IRAK4: variants seen among roughly 807,000 people sequenced by gnomAD.
IRAK4 encodes the protein interleukin-1 receptor-associated kinase 4.
Under a neutral mutation model 51.8 loss-of-function variants are expected in IRAK4, and 44 were observed. That is an observed-to-expected ratio of 0.85 (90% confidence interval 0.67 to 1.09). The LOEUF (loss-of-function observed/expected upper bound fraction) is 1.09, where lower values mean the gene tolerates loss of function less well. IRAK4 is among the 50% of genes least tolerant of loss of function. IRAK4 has a pLI of 0.00. For missense variants in IRAK4, 487 were observed against 538.0 expected (o/e 0.91, Z 0.94); for synonymous variants, 149 against 174.1 (o/e 0.86, Z 1.13).
At chr12:43,779,002 A>C (rs1166574373) in intron 8 of IRAK4, among the ~76,000 whole-genome samples, 2 of 152,150 alleles carry the variant, frequency 1.3e-5, no homozygotes, top group Non-Finnish European at 2.9e-5. Context: ...GATGAGTTAC[A>C]AGAAATGAAA....
At chr12:43,773,724 G>A (rs145962440) in intron 5 of IRAK4, 210 of 315,418 alleles carry the variant, frequency 6.7e-4, no homozygotes, top group African/African-American at 2.4e-3. Context: ...GTGAAATTTC[G>A]TGTTATTTCA....
At chr12:43,784,396 A>G (rs1265903731) in intron 10 of IRAK4, among the ~76,000 whole-genome samples, 1 of 152,178 alleles carries the variant, frequency 6.6e-6, no homozygotes, top group Non-Finnish European at 1.5e-5. Flanking sequence ...CATCAGAGTC[A>G]GATCCCACAG....
At chr12:43,772,794 C>A in intron 4 of IRAK4, 118 bp from the exon 5 acceptor site, 1 of 769,600 alleles carries the variant, frequency 1.3e-6, no homozygotes, top group Non-Finnish European at 2.1e-6. Context: ...CTTCTCTCAT[C>A]TTGTCTAATT....
At position 43,775,430 on chromosome 12, in the gene IRAK4, C is replaced by T. The variant is rs748586328; in HGVS notation, c.716+1401C>T. On this transcript the variant is annotated intron_variant, in intron 6 of 11. Coordinates refer to ENST00000613694, the MANE Select transcript of IRAK4 (RefSeq NM_016123.4). ...AAACCTGCACATTCTGTACATGTAT[C>T]CCGGAACTTAATAATACAAACCATC... Among the ~76,000 whole-genome samples, 59 of 152,148 alleles carry T rather than the reference C, an allele frequency of 3.9e-4. 1 individual carries two copies. The highest frequency in any genetic ancestry group is 2.8e-4 in the Non-Finnish European group (19 of 68,014).
rs750912907 is a variant in IRAK4, at chr12:43,768,122, C to T, written c.11C>T (p.Pro4Leu). 1.2e-6 allele frequency: 2 copies of T among 1,613,212 alleles called. No homozygotes were observed. Among genetic ancestry groups the T allele is most frequent in the Non-Finnish European group, 1.7e-6 (2 of 1,179,570 alleles). Reference protein sequence around the residue: MNKPITPSTYVRCL... With the variant: MNKLITPSTYVRCL... ...TTTTAGGAATAGAAGATGAACAAAC[C>T]CATAACACCATCAACATATGTGCGC... Residue 4 changes from proline to leucine, a missense_variant, in exon 2 of 12, where the codon CCC (proline) becomes CTC (leucine). Pro to Leu is a moderately conservative substitution (Grantham distance 98, BLOSUM62 -3). Transcript: ENST00000613694.
At chr12:43,766,360 C>A (rs1940148760) in intron 1 of IRAK4, among the ~76,000 whole-genome samples, 1 of 152,122 alleles carries the variant, frequency 6.6e-6, no homozygotes, top group African/African-American at 2.4e-5. Context: ...ATCCTTCCAA[C>A]CTCCTACTCC....
chr12:43,784,684 A>G (rs965650665), intron 10 of IRAK4, among the ~76,000 whole-genome samples: 1 of 152,240 alleles, frequency 6.6e-6, no homozygotes, highest in Non-Finnish European at 1.5e-5. Flanking sequence ...CATAAGCTGT[A>G]TCTCAGTCAC....
chr12:43,771,119 C>T lies in IRAK4; in HGVS notation c.162-101C>T, dbSNP rs149985437. 8.9e-5 allele frequency: 95 copies of T among 1,062,736 alleles called. No individual in the cohort carries two copies. The East Asian group carries it at 2.4e-3, about 27-fold the overall frequency. The allele number at this position is 1,062,736 out of a possible 1,614,324, so 65.8% of individuals were successfully genotyped here. A position where few individuals can be genotyped will look rare whatever the true frequency, so the allele number is the denominator to read the frequency against. On this transcript the variant is annotated intron_variant, in intron 2 of 11. Coordinates refer to ENST00000613694, the MANE Select transcript of IRAK4 (RefSeq NM_016123.4). ...CCTCCAGAACCGTGAGCCAAATTAA[C>T]TATTATTTATAAATTACCCTGTCTG...
Position 43,783,731 on chromosome 12 carries a change from GA to G in IRAK4, c.1188+10del. 1 of 1,580,076 alleles carries G rather than the reference GA, an allele frequency of 6.3e-7. No individual in the cohort carries two copies. Among genetic ancestry groups the G allele is most frequent in the Non-Finnish European group, 8.7e-7 (1 of 1,150,274 alleles). On this transcript the variant is annotated splice_region_variant and intron_variant, in intron 10 of 11. Coordinates refer to ENST00000613694, the MANE Select transcript of IRAK4 (RefSeq NM_016123.4). ...CCGTGAACCTCAGTTATTGGTAAAT[GA>G]AATATTCATTTTCCTCAATCCTTTT...
chr12:43,780,420 G>T (rs2138027881), intron 8 of IRAK4, among the ~76,000 whole-genome samples: 1 of 152,182 alleles, frequency 6.6e-6, no homozygotes, highest in East Asian at 1.9e-4. Context: ...AGAGAAATGA[G>T]ATGATGTGTT....
chr12:43,774,092 G>C lies in IRAK4; in HGVS notation c.716+63G>C, dbSNP rs542896683. On this transcript the variant is annotated intron_variant, in intron 6 of 11. Coordinates refer to ENST00000613694, the MANE Select transcript of IRAK4 (RefSeq NM_016123.4). ...AAAAAGACAAGGAGTAAAGAACCTGGTTCACTCTAGAGTATGCCATGAACT... is the reference window on the plus strand; with the variant it reads ...AAAAAGACAAGGAGTAAAGAACCTGCTTCACTCTAGAGTATGCCATGAACT... The C allele has an allele frequency of 2.5e-5, 27 of 1,100,900 alleles. No individual in the cohort carries two copies. In the African/African-American group the frequency reaches 4.1e-4, roughly 17 times the overall value. 68.2% of individuals were successfully genotyped at this position (1,100,900 alleles called of 1,614,324 possible). A position where few individuals can be genotyped will look rare whatever the true frequency, so the allele number is the denominator to read the frequency against.
chr12:43,773,256 A>T (rs1308300433), intron 5 of IRAK4, among the ~76,000 whole-genome samples, 184 bp downstream of exon 5: 1 of 152,164 alleles, frequency 6.6e-6, no homozygotes, highest in Non-Finnish European at 1.5e-5. Flanking sequence ...TACCCCTAGA[A>T]AAATGTGGTT....
intron 3 of IRAK4, among the ~76,000 whole-genome samples, chr12:43,771,953 T>C (rs958563871): frequency 6.6e-6 from 1 of 152,234 alleles, no homozygotes; most frequent in African/African-American, 2.4e-5. Flanking sequence ...GTGCCTCTGA[T>C]ATAGGTGGCT....
rs200883675 is a variant in IRAK4, at chr12:43,778,241, G to A, written c.880G>A (p.Gly294Ser). 1.9e-6 allele frequency: 3 copies of A among 1,612,020 alleles called. No individual in the cohort carries two copies. The highest frequency in any genetic ancestry group is 1.7e-5 in the Admixed American group (1 of 60,002). ...GCACATGAGATGCAAGATTGCTCAG[G>A]GTGCAGCTAATGGCATCAATTTTCT... ...SWHMRCKIAQGAANGINFLHE... is the reference protein window; with the variant it reads ...SWHMRCKIAQSAANGINFLHE... Residue 294 changes from glycine (G) to serine (S), a missense_variant, in exon 8 of 12, where the codon GGT becomes AGT. Physicochemically the swap from Gly to Ser is moderately conservative, Grantham distance 56. Transcript: ENST00000613694.
chr12:43,762,746 T>C (rs1443398848), intron 1 of IRAK4, among the ~76,000 whole-genome samples: 1 of 152,186 alleles, frequency 6.6e-6, no homozygotes, highest in East Asian at 1.9e-4. Flanking sequence ...TAACAGTGCC[T>C]TTTGAATTGG....
In IRAK4 at chr12:43,785,917, C is replaced by T. The variant is rs4251544; in HGVS notation, c.1189-482C>T. Among the ~76,000 whole-genome samples, 1,460 of 152,044 alleles carry T rather than the reference C, an allele frequency of 9.6e-3. 22 individuals carry two copies. The highest frequency in any genetic ancestry group is 0.033 in the African/African-American group (1,358 of 41,470). On this transcript the variant is annotated intron_variant, in intron 10 of 11. Coordinates refer to ENST00000613694, the MANE Select transcript of IRAK4 (RefSeq NM_016123.4). The stretch of plus-strand genomic sequence containing the variant: ...ACATAAAAGAGGTACAGTAAAAATA[C>T]GGTATTATAATTTTATGGGACCACC...
chr12:43,784,668 GA>G (rs2138068604), intron 10 of IRAK4, among the ~76,000 whole-genome samples: 1 of 152,254 alleles, frequency 6.6e-6, no homozygotes, highest in Admixed American at 6.5e-5. Context: ...ATGAAATGCA[GA>G]AAAACATAAG....
At chr12:43,766,086 A>G (rs1415806668) in intron 1 of IRAK4, among the ~76,000 whole-genome samples, 1 of 152,184 alleles carries the variant, frequency 6.6e-6, no homozygotes, top group East Asian at 1.9e-4. Flanking sequence ...ATATAAGATT[A>G]TTTAACATCC....
intron 2 of IRAK4, among the ~76,000 whole-genome samples, chr12:43,770,333 A>G (rs1940615581): frequency 6.6e-6 from 1 of 152,168 alleles, no homozygotes; most frequent in Non-Finnish European, 1.5e-5. Flanking sequence ...TTATATAGCT[A>G]TCAGAGTCTT....
Sources: allele counts gnomAD v4.1 joint callset (sites outside exome capture counted in the v4.1 genomes callset), GRCh38; gene constraint gnomAD v4.1.1; transcripts MANE v1.5; gene names NCBI Gene and HGNC (gene_info 2026-07-23, HGNC 2026-07-21).